STXBP3: variants seen among roughly 807,000 people sequenced by gnomAD.
The protein encoded by STXBP3 is syntaxin-binding protein 3.
Under a neutral mutation model 85.7 loss-of-function variants are expected in STXBP3, and 41 were observed. That is an observed-to-expected ratio of 0.48 (90% CI 0.37 to 0.62). STXBP3 has a LOEUF of 0.62. STXBP3 is among the 20% of genes least tolerant of loss of function. The pLI is 0.00. For synonymous variants in STXBP3, 229 were observed against 231.7 expected, an observed-to-expected ratio of 0.99 and a Z score of 0.10; for missense variants, 563 against 703.1, an observed-to-expected ratio of 0.80 and a Z score of 2.25.
chr1:108,795,038 A>C, intron 13 of STXBP3, 131 bp downstream of exon 13: 2 of 670,592 alleles, frequency 3.0e-6, no homozygotes, highest in Middle Eastern at 4.0e-4. Flanking sequence ...TTATCAGGGG[A>C]GCCACCTAGG....
At chr1:108,797,002 G>A (rs550567457) in intron 15 of STXBP3, among the ~76,000 whole-genome samples, 4 of 151,892 alleles carry the variant, frequency 2.6e-5, no homozygotes, top group South Asian at 2.1e-4. Flanking sequence ...TTAGTTAAAC[G>A]TGTAACCTTT....
chr1:108,760,668 C>G (rs1662120839), intron 6 of STXBP3, among the ~76,000 whole-genome samples: 1 of 152,104 alleles, frequency 6.6e-6, no homozygotes, highest in African/African-American at 2.4e-5. Flanking sequence ...GATTGTACTT[C>G]TCCATTTTGA....
intron 4 of STXBP3, among the ~76,000 whole-genome samples, chr1:108,757,423 T>TA (rs1032232170): frequency 6.6e-6 from 1 of 152,076 alleles, no homozygotes; most frequent in Non-Finnish European, 1.5e-5. Flanking sequence ...AACAAAAAGA[T>TA]ACACACTTTT....
At chr1:108,753,646 G>C (rs932287379) in intron 3 of STXBP3, among the ~76,000 whole-genome samples, 3 of 151,936 alleles carry the variant, frequency 2.0e-5, no homozygotes, top group African/African-American at 7.3e-5. Flanking sequence ...AATACTTACA[G>C]ATTCTGAAAA....
intron 5 of STXBP3, among the ~76,000 whole-genome samples, 167 bp downstream of exon 5, chr1:108,758,755 G>T (rs1662070681): frequency 6.6e-6 from 1 of 152,094 alleles, no homozygotes; most frequent in Non-Finnish European, 1.5e-5. Context: ...AGGCTAGAAA[G>T]AATCTAAAAA....
rs766119107 is a variant in STXBP3 at position 108,772,659 on chromosome 1, A to C, written c.439-6A>C. The C allele has an allele frequency of 9.6e-5, 135 of 1,404,604 alleles. No individual in the cohort carries two copies. The highest frequency in any genetic ancestry group is 6.5e-6 in the Non-Finnish European group (7 of 1,069,554). The allele number at this position is 1,404,604 out of a possible 1,614,324, so 87.0% of individuals were successfully genotyped here. A position where few individuals can be genotyped will look rare whatever the true frequency, so the allele number is the denominator to read the frequency against. On this transcript the variant is annotated splice_polypyrimidine_tract_variant and splice_region_variant and intron_variant, in intron 6 of 18. Coordinates refer to ENST00000370008, the MANE Select transcript of STXBP3 (RefSeq NM_007269.4). ...ATTAACAGTGAGTTTTTTTGTCTTA[A>C]CTTAGGTGTATACTCTTGATGTACC...
intron 6 of STXBP3, among the ~76,000 whole-genome samples, chr1:108,770,404 A>G (rs914999937): frequency 5.9e-5 from 9 of 152,182 alleles, no homozygotes; most frequent in African/African-American, 1.9e-4. Flanking sequence ...TTAATCGAAT[A>G]ATGTTATCTC....
At chr1:108,770,604 A>G (rs1662370477) in intron 6 of STXBP3, among the ~76,000 whole-genome samples, 1 of 152,182 alleles carries the variant, frequency 6.6e-6, no homozygotes, top group South Asian at 2.1e-4. Context: ...AACTGTGTGT[A>G]AAAGGAAATG....
intron 9 of STXBP3, among the ~76,000 whole-genome samples, chr1:108,781,693 A>T (rs1008053997): frequency 3.9e-5 from 6 of 152,138 alleles, no homozygotes; most frequent in African/African-American, 1.4e-4. Context: ...TTAATAGGTT[A>T]TATTGGGGAG....
chr1:108,778,814 G>T (rs1662645587), intron 8 of STXBP3, among the ~76,000 whole-genome samples: 1 of 152,130 alleles, frequency 6.6e-6, no homozygotes, highest in South Asian at 2.1e-4. Context: ...ACAGAGGAGG[G>T]TTGGTTCCAG....
At position 108,771,452 on chromosome 1, in the gene STXBP3, C is replaced by CTATATATATCATATATAAATATATATG. The variant is rs1557805497; in HGVS notation, c.439-1213_439-1212insTATATATATCATATATAAATATATATG. ...ATATATGATATATATCTATATATATCATATATAAATATATATGATATATAT... is the reference window on the plus strand; with the variant it reads ...ATATATGATATATATCTATATATATCTATATATATCATATATAAATATATATGATATATAAATATATATGATATATAT... On this transcript the variant is annotated intron_variant, in intron 6 of 18. Transcript: ENST00000370008. Among the ~76,000 whole-genome samples, 4 of 9,128 alleles carry CTATATATATCATATATAAATATATATG rather than the reference C, an allele frequency of 4.4e-4. 1 individual carries two copies. Among genetic ancestry groups the CTATATATATCATATATAAATATATATG allele is most frequent in the African/African-American group, 1.0e-3 (3 of 2,904 alleles). 6.0% of individuals were successfully genotyped at this position (9,128 alleles called of 152,430 possible). A position where few individuals can be genotyped will look rare whatever the true frequency, so the allele number is the denominator to read the frequency against.
At chr1:108,784,515 CAT>C (rs1210855632) in intron 11 of STXBP3, among the ~76,000 whole-genome samples, 1 of 152,220 alleles carries the variant, frequency 6.6e-6, no homozygotes, top group Non-Finnish European at 1.5e-5. Flanking sequence ...CTGCCCTTGA[CAT>C]GTGGAGATTA....
intron 1 of STXBP3, among the ~76,000 whole-genome samples, chr1:108,747,684 A>G (rs185519839): frequency 6.6e-6 from 1 of 152,350 alleles, no homozygotes; most frequent in East Asian, 1.9e-4. Flanking sequence ...TGAACAAAAA[A>G]CAAATGATTT....
chr1:108,748,644 CAACA>C (rs1431370961), intron 1 of STXBP3, among the ~76,000 whole-genome samples: 3 of 152,064 alleles, frequency 2.0e-5, no homozygotes, highest in Non-Finnish European at 4.4e-5. Context: ...CCAGCCTGAG[CAACA>C]TGGTGAAACT....
chr1:108,801,172 G>A (rs1008739040), intron 17 of STXBP3, among the ~76,000 whole-genome samples: 3 of 151,740 alleles, frequency 2.0e-5, no homozygotes, highest in African/African-American at 7.3e-5. Context: ...ATTCCCTGTT[G>A]TTAACTTGTT....
intron 13 of STXBP3, 51 bp downstream of exon 13, chr1:108,794,958 A>G (rs765901194): frequency 8.0e-6 from 12 of 1,494,930 alleles, no homozygotes; most frequent in Non-Finnish European, 1.1e-5. Context: ...TCAAGGATAA[A>G]CTTTGTAAGT....
intron 7 of STXBP3, among the ~76,000 whole-genome samples, chr1:108,774,664 G>T (rs577895481): frequency 1.0e-3 from 98 of 94,284 alleles, no homozygotes; most frequent in Non-Finnish European, 1.7e-3. Flanking sequence ...TTTTTTTTGA[G>T]ATGGGGGTCT....
chr1:108,788,909 A>G (rs1251645952), intron 11 of STXBP3, among the ~76,000 whole-genome samples: 1 of 152,114 alleles, frequency 6.6e-6, no homozygotes, highest in Non-Finnish European at 1.5e-5. Flanking sequence ...TAAAAAAAAT[A>G]CAAAAATTAG....
intron 15 of STXBP3, among the ~76,000 whole-genome samples, chr1:108,797,481 C>T (rs1320699062): frequency 1.4e-5 from 2 of 139,248 alleles, no homozygotes; most frequent in South Asian, 2.4e-4. Context: ...GGCATGACCT[C>T]GGCTCACGGC....
Sources: allele counts gnomAD v4.1 joint callset (sites outside exome capture counted in the v4.1 genomes callset), GRCh38; gene constraint gnomAD v4.1.1; transcripts MANE v1.5; gene names NCBI Gene and HGNC (gene_info 2026-07-23, HGNC 2026-07-21).